The following PLB1 variants were observed in gnomAD, a reference collection of about 807,000 sequenced individuals.
The protein encoded by PLB1 is phospholipase B1.
PLB1 carries 242 observed loss-of-function variants against 227.4 expected under a neutral mutation model. The observed-to-expected ratio is 1.06, with a 90% CI of 0.96 to 1.18. PLB1 has a LOEUF of 1.18. Ranked by LOEUF, PLB1 falls within the 50% of genes most tolerant of loss-of-function variation. The probability of loss-of-function intolerance (pLI) is 0.00; values close to 1 mark genes in which losing one functional copy is unlikely to be tolerated. For synonymous variants in PLB1, 757 were observed against 682.2 expected (o/e 1.11, Z -1.71); for missense variants, 1,858 against 1,816.3 (o/e 1.02, Z -0.42).
chr2:28,583,106 G>C (rs1680324845), intron 25 of PLB1, among the ~76,000 whole-genome samples: 1 of 152,116 alleles, frequency 6.6e-6, no homozygotes, highest in South Asian at 2.1e-4. Context: ...TCCAGAGCCA[G>C]ACAGAGCTGG....
chr2:28,574,405 C>T (rs1261603578), intron 21 of PLB1, among the ~76,000 whole-genome samples: 1 of 66,822 alleles, frequency 1.5e-5, no homozygotes, highest in Non-Finnish European at 2.4e-5. Context: ...TTTTTTGAGA[C>T]AGGGTCTTGC....
chr2:28,604,349 C>A (rs777230706), intron 40 of PLB1, among the ~76,000 whole-genome samples: 3 of 152,238 alleles, frequency 2.0e-5, no homozygotes, highest in African/African-American at 7.2e-5. Context: ...TTCCCTCCCC[C>A]ACTCCCACTC....
At chr2:28,608,845 C>T (rs764569849) in intron 43 of PLB1, among the ~76,000 whole-genome samples, 5 of 152,102 alleles carry the variant, frequency 3.3e-5, no homozygotes, top group Non-Finnish European at 7.3e-5. Flanking sequence ...AATGACCCTC[C>T]TCCTCCCTTT....
At position 28,636,216 on chromosome 2, in the gene PLB1, G is replaced by T. The variant is rs1221949326; in HGVS notation, c.4098+3177G>T. Among the ~76,000 whole-genome samples the T allele has an allele frequency of 2.0e-5, 3 of 152,144 alleles. No homozygotes were observed. The East Asian group carries it at 5.8e-4, about 29-fold the overall frequency. ...TGGGGTTATAGGTGCATGCCACCAT[G>T]ACCAGCTAATTTTTGTATTTTTAGT... On this transcript the variant is annotated intron_variant, in intron 56 of 57. Transcript: ENST00000327757.
At position 28,600,806 on chromosome 2, in the gene PLB1, C is replaced by G; in HGVS notation, c.2475-3C>G. ...AGAAGGATGGGTTTTCTCTCTTTCT[C>G]AGGGATCTTATGAGCCAAGTCCAAA... On this transcript the variant is annotated splice_region_variant and splice_polypyrimidine_tract_variant and intron_variant, in intron 35 of 57. Transcript: ENST00000327757. 6.2e-7 allele frequency: 1 copy of G among 1,613,396 alleles called. No homozygotes were observed. The highest frequency in any genetic ancestry group is 8.5e-7 in the Non-Finnish European group (1 of 1,179,356).
intron 1 of PLB1, among the ~76,000 whole-genome samples, chr2:28,503,029 C>T (rs1667271201): frequency 6.6e-6 from 1 of 151,984 alleles, no homozygotes; most frequent in Non-Finnish European, 1.5e-5. Flanking sequence ...GTATGGTTTT[C>T]TGTTATCCCT....
At chr2:28,639,250 G>A (rs1032325709) in intron 56 of PLB1, among the ~76,000 whole-genome samples, 8 of 151,856 alleles carry the variant, frequency 5.3e-5, no homozygotes, top group Admixed American at 5.2e-4. Flanking sequence ...TGTGTCCAGA[G>A]AGCTAAGAGA....
intron 38 of PLB1, 126 bp from the exon 39 acceptor site, chr2:28,602,695 C>T (rs909129411): frequency 8.6e-6 from 7 of 815,102 alleles, no homozygotes; most frequent in East Asian, 2.5e-5. Flanking sequence ...TGTATAGACT[C>T]CTCCCCAGAA....
intron 1 of PLB1, among the ~76,000 whole-genome samples, chr2:28,509,390 G>T (rs138870262): frequency 1.3e-5 from 2 of 152,228 alleles, no homozygotes; most frequent in Non-Finnish European, 2.9e-5. Flanking sequence ...GCATACCCAT[G>T]CCCCACCAGG....
chr2:28,582,000 AAGT>A (rs1680104673), intron 23 of PLB1, 65 bp from the exon 24 acceptor site: 1 of 1,461,086 alleles, frequency 6.8e-7, no homozygotes, highest in Non-Finnish European at 9.5e-7. Flanking sequence ...CCAAGAGAGA[AAGT>A]AGCCCTGTTC....
intron 51 of PLB1, among the ~76,000 whole-genome samples, chr2:28,626,757 C>T (rs1687853442): frequency 6.6e-6 from 1 of 152,230 alleles, no homozygotes; most frequent in South Asian, 2.1e-4. Flanking sequence ...GGTGGACCCA[C>T]TGTAGGCACT....
intron 20 of PLB1, among the ~76,000 whole-genome samples, chr2:28,568,265 G>A (rs1677393314): frequency 6.6e-6 from 1 of 152,252 alleles, no homozygotes; most frequent in Non-Finnish European, 1.5e-5. Context: ...ATGGCCCAAT[G>A]TATGCAATAG....
intron 10 of PLB1, among the ~76,000 whole-genome samples, chr2:28,538,626 G>A (rs961022939): frequency 6.6e-6 from 1 of 152,180 alleles, no homozygotes; most frequent in African/African-American, 2.4e-5. Flanking sequence ...CGGTGGCCCT[G>A]CTCTTCCCTA....
At chr2:28,635,097 A>G in intron 56 of PLB1, among the ~76,000 whole-genome samples, 1 of 152,182 alleles carries the variant, frequency 6.6e-6, no homozygotes, top group East Asian at 1.9e-4. Flanking sequence ...AAGACTGTCC[A>G]TGGTTCCCCA....
intron 6 of PLB1, among the ~76,000 whole-genome samples, chr2:28,527,211 G>A (rs867245385): frequency 6.6e-6 from 1 of 152,202 alleles, no homozygotes. Context: ...AATTTGCCCT[G>A]TTACAAGTCT....
chr2:28,598,431 G>GT (rs957402335), intron 34 of PLB1, among the ~76,000 whole-genome samples: 1 of 152,176 alleles, frequency 6.6e-6, no homozygotes, highest in Non-Finnish European at 1.5e-5. Flanking sequence ...TAATACAAGA[G>GT]TGAGAGGCTC....
intron 33 of PLB1, chr2:28,595,841 G>A (rs947785267): frequency 2.0e-5 from 3 of 152,052 alleles, no homozygotes; most frequent in African/African-American, 7.2e-5. Context: ...AGAATTCATG[G>A]GGGGTGGGTG....
intron 21 of PLB1, among the ~76,000 whole-genome samples, chr2:28,577,159 T>A (rs558108180): frequency 6.6e-6 from 1 of 152,188 alleles, no homozygotes; most frequent in Non-Finnish European, 1.5e-5. Flanking sequence ...ATTTGCAGGA[T>A]CAAGTAGTCG....
chr2:28,604,145 C>A, intron 40 of PLB1, 98 bp downstream of exon 40: 2 of 1,218,046 alleles, frequency 1.6e-6, no homozygotes, highest in Non-Finnish European at 2.4e-6. Flanking sequence ...GAAGGAAAAG[C>A]TGGTCAGGGA....
Sources: gnomAD v4.1 joint callset for allele counts (sites outside exome capture counted in the v4.1 genomes callset) on GRCh38, gnomAD v4.1.1 for gene constraint, MANE v1.5 for transcripts, NCBI Gene and HGNC (gene_info 2026-07-23, HGNC 2026-07-21) for gene names.